Variants in GALNT9 observed in about 807,000 individuals in gnomAD.
GALNT9 encodes the protein polypeptide N-acetylgalactosaminyltransferase 9.
Under a neutral mutation model 63.1 loss-of-function variants are expected in GALNT9, and 47 were observed. That is an observed-to-expected ratio of 0.75 (90% CI 0.59 to 0.95). The LOEUF is 0.95. GALNT9 is among the 40% of genes least tolerant of loss of function. GALNT9 has a pLI of 0.00. For synonymous variants in GALNT9, 396 were observed against 365.7 expected (o/e 1.08, Z -0.94); for missense variants, 829 against 874.8 (o/e 0.95, Z 0.66).
Position 132,279,781 on chromosome 12 carries a change from C to T in GALNT9, c.419+6469G>A, listed in dbSNP as rs1326843212. 6.6e-6 allele frequency: 1 copy of T among 152,320 alleles called. No homozygotes were observed. Among genetic ancestry groups the T allele is most frequent in the Admixed American group, 6.5e-5 (1 of 15,294 alleles). The allele number at this position is 152,320 out of a possible 1,614,324, so 9.4% of individuals were successfully genotyped here. On this transcript the variant is annotated intron_variant, in intron 2 of 10. Transcript: ENST00000328957. This position sits in a 1 kb window ranked among gnomAD's most constrained non-coding sequence, Gnocchi z 4.1. ...GATCCAATTCCTGGATGCCCAGTGT[C>T]CGCCGGGTCTCCTGGATTCACCGTG...
chr12:132,262,437 T>G, intron 3 of GALNT9, 22 bp downstream of exon 3: 2 of 1,542,362 alleles, frequency 1.3e-6, no homozygotes, highest in Non-Finnish European at 1.8e-6. Flanking sequence ...GCGAGCACCG[T>G]GCCGAGGCCC....
chr12:132,247,566 T>TGG, intron 6 of GALNT9: 1 of 500,212 alleles, frequency 2.0e-6, no homozygotes. Flanking sequence ...ACCCTGTCCC[T>TGG]AGACCATGGC....
Position 132,196,809 on chromosome 12 carries a change from G to A in GALNT9, c.*298C>T, listed in dbSNP as rs921219192. 14 of 1,172,602 alleles carry A rather than the reference G, an allele frequency of 1.2e-5. No homozygotes were observed. The highest frequency in any genetic ancestry group is 1.1e-4 in the East Asian group (2 of 18,870). 72.6% of individuals were successfully genotyped at this position (1,172,602 alleles called of 1,614,324 possible). A position where few individuals can be genotyped will look rare whatever the true frequency, so the allele number is the denominator to read the frequency against. Reference sequence around the variant, plus strand: ...GGGCTGTGGTACATGCAGAGGCGGCGGCTGTCCCAGCAGCCTGGCCAGGAG... The same window carrying A: ...GGGCTGTGGTACATGCAGAGGCGGCAGCTGTCCCAGCAGCCTGGCCAGGAG... On this transcript the variant is annotated 3_prime_UTR_variant, in exon 11 of 11. Coordinates refer to ENST00000328957, the MANE Select transcript of GALNT9 (RefSeq NM_001122636.2).
At chr12:132,240,512 T>G (rs2136898422) in intron 6 of GALNT9, 1 of 426,508 alleles carries the variant, frequency 2.3e-6, no homozygotes, top group Admixed American at 2.8e-5. Context: ...CTCACTCCAG[T>G]CGCTGGCAGT....
At chr12:132,322,184 G>A (rs530219330) in intron 1 of GALNT9, among the ~76,000 whole-genome samples, 28 of 152,276 alleles carry the variant, frequency 1.8e-4, no homozygotes, top group Non-Finnish European at 2.5e-4. Context: ...CGTTCAACCC[G>A]TAACCATCCC....
At chr12:132,262,399 A>G in intron 3 of GALNT9, 60 bp downstream of exon 3, 2 of 1,510,046 alleles carry the variant, frequency 1.3e-6, no homozygotes, top group Non-Finnish European at 1.8e-6. Flanking sequence ...CCCAACCCCA[A>G]CTCAACCCAG....
intron 1 of GALNT9, among the ~76,000 whole-genome samples, chr12:132,300,227 C>T (rs1029182946): frequency 2.0e-5 from 3 of 148,864 alleles, no homozygotes; most frequent in Non-Finnish European, 3.0e-5. Flanking sequence ...GATAACCAAG[C>T]CACTGCTGAG....
chr12:132,269,645 A>G (rs1346025263), intron 2 of GALNT9, among the ~76,000 whole-genome samples: 2 of 152,226 alleles, frequency 1.3e-5, no homozygotes, highest in Non-Finnish European at 2.9e-5. Context: ...CCGTGAAGAA[A>G]GCAGGAATTT....
intron 2 of GALNT9, among the ~76,000 whole-genome samples, chr12:132,281,636 A>G (rs1484944600): frequency 6.6e-6 from 1 of 152,216 alleles, no homozygotes; most frequent in African/African-American, 2.4e-5. Context: ...GTTCTCTGTG[A>G]CGTAAAAACA....
At position 132,279,727 on chromosome 12, in the gene GALNT9, G is replaced by C. The variant is rs1429434141; in HGVS notation, c.419+6523C>G. The C allele has an allele frequency of 3.9e-5, 6 of 152,370 alleles. No homozygotes were observed. The highest frequency in any genetic ancestry group is 2.9e-5 in the Non-Finnish European group (2 of 68,134). 9.4% of individuals were successfully genotyped at this position (152,370 alleles called of 1,614,324 possible). A position where few individuals can be genotyped will look rare whatever the true frequency, so the allele number is the denominator to read the frequency against. On this transcript the variant is annotated intron_variant, in intron 2 of 10. Transcript: ENST00000328957. The surrounding 1 kb of genome is among the most constrained non-coding windows in gnomAD (Gnocchi z 4.1). Reference sequence around the variant, plus strand: ...CCCCTGTCCCTTCAGGCCGTGGGGAGAAGAACATCCCAGTGCGGTCACTTC... The same window carrying C: ...CCCCTGTCCCTTCAGGCCGTGGGGACAAGAACATCCCAGTGCGGTCACTTC...
chr12:132,297,403 C>T (rs66941798), intron 1 of GALNT9, among the ~76,000 whole-genome samples: 27,279 of 151,328 alleles, frequency 0.18, 2,701 homozygotes, highest in African/African-American at 0.3. Flanking sequence ...CCAACTCACT[C>T]CTACAATAAC....
intron 6 of GALNT9, among the ~76,000 whole-genome samples, chr12:132,228,789 C>T (rs972310776): frequency 2.0e-5 from 3 of 152,236 alleles, no homozygotes; most frequent in Admixed American, 6.5e-5. Context: ...TTTCCTGGCC[C>T]GACTCTCACA....
chr12:132,310,520 T>A lies in GALNT9; in HGVS notation c.238+18446A>T, dbSNP rs1020092821. Among the ~76,000 whole-genome samples the A allele has an allele frequency of 4.1e-4, 62 of 152,188 alleles. No individual in the cohort carries two copies. The highest frequency in any genetic ancestry group is 1.4e-3 in the African/African-American group (57 of 41,454). On this transcript the variant is annotated intron_variant, in intron 1 of 10. Transcript: ENST00000328957. This position sits in a 1 kb window ranked among gnomAD's most constrained non-coding sequence, Gnocchi z 4.8. ...TTTCTGCCGGCTTCCTCTGTGTCCC[T>A]GCCCCCTGAAGAGTCATTTCACACT...
intron 6 of GALNT9, among the ~76,000 whole-genome samples, chr12:132,227,239 G>A (rs1877728320): frequency 6.6e-6 from 1 of 152,170 alleles, no homozygotes; most frequent in South Asian, 2.1e-4. Context: ...CGGAGGCACC[G>A]AAATGGCTCC....
chr12:132,313,724 A>G (rs1881906474), intron 1 of GALNT9, among the ~76,000 whole-genome samples: 1 of 126,412 alleles, frequency 7.9e-6, no homozygotes, highest in Non-Finnish European at 1.6e-5. Flanking sequence ...CCACTCATCC[A>G]TCCACCTGCC....
chr12:132,200,468 C>T (rs1381723867), intron 8 of GALNT9: 2 of 152,260 alleles, frequency 1.3e-5, no homozygotes, highest in African/African-American at 2.4e-5. Context: ...GGTGTATGAA[C>T]GTGGCTCCGC....
At position 132,305,478 on chromosome 12, in the gene GALNT9, CGGGCACACCCTCACCG is replaced by C. The variant is rs1410612428; in HGVS notation, c.239-19064_239-19049del. On this transcript the variant is annotated intron_variant, in intron 1 of 10. Transcript: ENST00000328957. ...AGCCTGACCTGGGCACACCCTCACC[CGGGCACACCCTCACCG>C]GGGCACACCCTCACCCGGGCACAGC... 8.4e-4 allele frequency among the ~76,000 whole-genome samples: 84 copies of C among 99,432 alleles called. 4 individuals are homozygous for C. The highest frequency in any genetic ancestry group is 1.3e-3 in the Admixed American group (13 of 10,178). The allele number at this position is 99,432 out of a possible 152,430, so 65.2% of individuals were successfully genotyped here. A position where few individuals can be genotyped will look rare whatever the true frequency, so the allele number is the denominator to read the frequency against.
chr12:132,203,245 C>G (rs777932934), intron 7 of GALNT9, among the ~76,000 whole-genome samples: 1 of 152,172 alleles, frequency 6.6e-6, no homozygotes, highest in Non-Finnish European at 1.5e-5. Context: ...GGCAATTGCT[C>G]TAGGCTGAGA....
chr12:132,309,639 C>G (rs1310229113), intron 1 of GALNT9, among the ~76,000 whole-genome samples: 2 of 152,208 alleles, frequency 1.3e-5, no homozygotes, highest in African/African-American at 4.8e-5. Flanking sequence ...GCCCAGTGTC[C>G]CCTGAGCAGG....
Sources: gnomAD v4.1 joint callset for allele counts (sites outside exome capture counted in the v4.1 genomes callset) on GRCh38, gnomAD v4.1.1 for gene constraint, Gnocchi (gnomAD v3.1) non-coding constraint, MANE v1.5 for transcripts, NCBI Gene and HGNC (gene_info 2026-07-23, HGNC 2026-07-21) for gene names.